Variants in ZNF609 observed in about 807,000 individuals in gnomAD.
ZNF609 encodes the protein zinc finger protein 609.
In ZNF609, 11 loss-of-function variants were observed where a neutral mutation model predicts 109.5. That is an observed-to-expected ratio of 0.10 (90% CI 0.06 to 0.17). The LOEUF (loss-of-function observed/expected upper bound fraction) is 0.17, where lower values mean the gene tolerates loss of function less well. Ranked by LOEUF, ZNF609 falls within the 10% of genes least tolerant of loss-of-function variation. The pLI is 1.00. For missense variants in ZNF609, 1,559 were observed against 1,772.4 expected (o/e 0.88, Z 2.16); for synonymous variants, 646 against 662.0 (o/e 0.98, Z 0.37).
intron 1 of ZNF609, among the ~76,000 whole-genome samples, chr15:64,463,614 T>A (rs903623286): frequency 2.4e-4 from 37 of 152,198 alleles, no homozygotes; most frequent in African/African-American, 8.2e-4. Flanking sequence ...TCTGAGGCAA[T>A]TAGTCTGTCT....
In ZNF609 at chr15:64,500,565, A is replaced by G. The variant is rs1179861972; in HGVS notation, c.747+399A>G. 4 of 604,914 alleles carry G rather than the reference A, an allele frequency of 6.6e-6. No individual in the cohort carries two copies. In the Admixed American group the frequency reaches 8.8e-5, roughly 13 times the overall value. 37.5% of individuals were successfully genotyped at this position (604,914 alleles called of 1,614,324 possible). On this transcript the variant is annotated intron_variant, in intron 2 of 9. Coordinates refer to ENST00000326648, the MANE Select transcript of ZNF609 (RefSeq NM_015042.2). Reference sequence around the variant, plus strand: ...AGACTCATAATAGTTGATAAACAATACGCCTTTGGTGATAATGTAGATTGA... The same window carrying G: ...AGACTCATAATAGTTGATAAACAATGCGCCTTTGGTGATAATGTAGATTGA...
chr15:64,476,290 C>CAA (rs36013169), intron 1 of ZNF609, among the ~76,000 whole-genome samples: 3,855 of 145,482 alleles, frequency 0.026, 64 homozygotes, highest in Admixed American at 0.038. Flanking sequence ...CAAAATAGAC[C>CAA]AAAAAAAAAA....
chr15:64,651,669 C>T (rs1345618016), intron 3 of ZNF609, among the ~76,000 whole-genome samples: 1 of 152,192 alleles, frequency 6.6e-6, no homozygotes, highest in East Asian at 1.9e-4. Context: ...AGAGGGCAAA[C>T]ACTGTGACAG....
intron 2 of ZNF609, among the ~76,000 whole-genome samples, chr15:64,537,876 G>A (rs1247705071): frequency 2.0e-5 from 3 of 152,056 alleles, no homozygotes; most frequent in African/African-American, 7.2e-5. Context: ...TGAGGTGGGC[G>A]GATCACCTGA....
Position 64,675,167 on chromosome 15 carries a change from G to A in ZNF609, c.2313G>A (p.Glu771=), listed in dbSNP as rs570340957. ...RESSGDGMKM[E]GLLNGSSDPH... The stretch of plus-strand genomic sequence containing the variant: ...CTTCAGGAGATGGGATGAAAATGGA[G>A]GGGCTCCTAAATGGCTCATCAGACC... Residue 771 remains glutamate (E), a synonymous_variant, in exon 5 of 10, where the codon GAG becomes GAA. Coordinates refer to ENST00000326648, the MANE Select transcript of ZNF609 (RefSeq NM_015042.2). The A allele has an allele frequency of 2.5e-6, 4 of 1,614,094 alleles. No homozygotes were observed. The East Asian group carries it at 8.9e-5, about 36-fold the overall frequency.
chr15:64,619,753 T>G (rs1334071131), intron 2 of ZNF609, among the ~76,000 whole-genome samples: 1 of 152,224 alleles, frequency 6.6e-6, no homozygotes, highest in Non-Finnish European at 1.5e-5. Flanking sequence ...GTTCTGTTAT[T>G]CTTAGTGATC....
chr15:64,645,467 T>A (rs1346724309), intron 3 of ZNF609, among the ~76,000 whole-genome samples: 2 of 152,080 alleles, frequency 1.3e-5, no homozygotes, highest in East Asian at 3.8e-4. Context: ...ATTATTTTAT[T>A]ATTTCAAAAG....
chr15:64,552,290 G>T (rs1370919697), intron 2 of ZNF609, among the ~76,000 whole-genome samples: 2 of 152,138 alleles, frequency 1.3e-5, no homozygotes, highest in Non-Finnish European at 2.9e-5. Flanking sequence ...GTAGTTGCAG[G>T]TTATATATTT....
chr15:64,565,618 G>A (rs1894763222), intron 2 of ZNF609, among the ~76,000 whole-genome samples: 8 of 152,076 alleles, frequency 5.3e-5, no homozygotes, highest in Admixed American at 5.2e-4. Context: ...ATCAGATTTG[G>A]CAAAAGCATT....
intron 2 of ZNF609, among the ~76,000 whole-genome samples, chr15:64,603,761 G>A (rs534883927): frequency 4.0e-5 from 6 of 151,760 alleles, no homozygotes; most frequent in Non-Finnish European, 8.8e-5. Flanking sequence ...AGCACTTTGG[G>A]AGGCCGAGGC....
intron 3 of ZNF609, among the ~76,000 whole-genome samples, chr15:64,657,540 G>A (rs891598580): frequency 3.3e-5 from 5 of 152,262 alleles, no homozygotes; most frequent in South Asian, 2.1e-4. Context: ...CTTGAACCCC[G>A]TAGACGGAGG....
intron 1 of ZNF609, among the ~76,000 whole-genome samples, chr15:64,488,422 G>C (rs1893361228): frequency 6.6e-6 from 1 of 152,198 alleles, no homozygotes; most frequent in African/African-American, 2.4e-5. Flanking sequence ...TCAATGGTGA[G>C]CACAAGAGAG....
chr15:64,570,702 T>C (rs1469675966), intron 2 of ZNF609, among the ~76,000 whole-genome samples: 1 of 152,194 alleles, frequency 6.6e-6, no homozygotes, highest in Non-Finnish European at 1.5e-5. Context: ...CCTATTATTT[T>C]CATGTTATGT....
chr15:64,508,684 ATT>A (rs1160116983), intron 2 of ZNF609, among the ~76,000 whole-genome samples: 2,661 of 130,410 alleles, frequency 0.02, 82 homozygotes, highest in African/African-American at 0.068. Context: ...GACCCAGAAA[ATT>A]TTTTTTTTTT....
At chr15:64,676,594 C>G (rs893388027) in intron 5 of ZNF609, among the ~76,000 whole-genome samples, 2 of 151,306 alleles carry the variant, frequency 1.3e-5, no homozygotes, top group African/African-American at 4.9e-5. Flanking sequence ...CCATGCCCAG[C>G]TAATTTTTTT....
intron 2 of ZNF609, among the ~76,000 whole-genome samples, chr15:64,586,218 C>T (rs988025463): frequency 7.3e-5 from 11 of 151,422 alleles, no homozygotes; most frequent in East Asian, 3.9e-4. Flanking sequence ...CCCAGCTACT[C>T]GGGAGGCTGA....
rs905658128 is a variant in ZNF609 at position 64,595,177 on chromosome 15, T to C, written c.748-27650T>C. Among the ~76,000 whole-genome samples, 9 of 147,206 alleles carry C rather than the reference T, an allele frequency of 6.1e-5. No individual in the cohort carries two copies. In the East Asian group the frequency reaches 1.8e-3, roughly 30 times the overall value. ...GAGTTTGAGACCACCCTGGCCAACA[T>C]GGTGAAACCCCGTCTCTACTAAAAA... On this transcript the variant is annotated intron_variant, in intron 2 of 9. Transcript: ENST00000326648.
At position 64,684,192 on chromosome 15, in the gene ZNF609, G is replaced by A. The variant is rs919409069; in HGVS notation, c.*2506G>A. On this transcript the variant is annotated 3_prime_UTR_variant, in exon 10 of 10. Transcript: ENST00000326648. ...AGATTTGCTGCCCACCTCTACATGG[G>A]GAGGAGAAACACAGGTGGGAGCTAC... 6.6e-6 allele frequency: 1 copy of A among 152,176 alleles called. No individual in the cohort carries two copies. The highest frequency in any genetic ancestry group is 1.5e-5 in the Non-Finnish European group (1 of 68,062). 9.4% of individuals were successfully genotyped at this position (152,176 alleles called of 1,614,324 possible).
At chr15:64,586,017 T>C (rs1453355703) in intron 2 of ZNF609, among the ~76,000 whole-genome samples, 3 of 152,086 alleles carry the variant, frequency 2.0e-5, no homozygotes, top group Admixed American at 1.3e-4. Flanking sequence ...GGCTAATTGT[T>C]ATTTTTGTAG....
Sources: allele counts gnomAD v4.1 joint callset (sites outside exome capture counted in the v4.1 genomes callset), GRCh38; gene constraint gnomAD v4.1.1; transcripts MANE v1.5; gene names NCBI Gene and HGNC (gene_info 2026-07-23, HGNC 2026-07-21).